The following DNAJC3 variants were observed in gnomAD, a reference collection of about 807,000 sequenced individuals.
DNAJC3 encodes the protein dnaJ homolog subfamily C member 3.
In DNAJC3, 38 loss-of-function variants were observed where a neutral mutation model predicts 68.6. The ratio of observed to expected loss-of-function variants is 0.55; its 90% CI spans 0.43 to 0.73. The LOEUF is 0.73. Among genes scored for constraint, DNAJC3 ranks in the 30% least tolerant of loss-of-function variants. The pLI, the probability that DNAJC3 is intolerant of heterozygous loss-of-function variation, is 0.00. For missense variants in DNAJC3, 526 were observed against 591.9 expected (o/e 0.89, Z 1.16); for synonymous variants, 203 against 204.0 (o/e 1.00, Z 0.04).
chr13:95,773,158 T>TG (rs1331082909), intron 9 of DNAJC3, among the ~76,000 whole-genome samples: 3 of 150,716 alleles, frequency 2.0e-5, no homozygotes, highest in Non-Finnish European at 3.0e-5. Context: ...TTTAGTTTTT[T>TG]TTTTTTTTTT....
At chr13:95,733,040 T>C (rs543678513) in intron 4 of DNAJC3, among the ~76,000 whole-genome samples, 1 of 152,348 alleles carries the variant, frequency 6.6e-6, no homozygotes, top group African/African-American at 2.4e-5. Context: ...TTGATACTTA[T>C]TTTATGGCCT....
intron 6 of DNAJC3, 53 bp downstream of exon 6, chr13:95,760,274 T>G (rs986508096): frequency 7.2e-7 from 1 of 1,385,798 alleles, no homozygotes; most frequent in Non-Finnish European, 9.5e-7. Flanking sequence ...GGCAGTAAGA[T>G]TACCTCATCT....
rs1246895506 is a variant in DNAJC3, at chr13:95,725,193, G to A, written c.334G>A (p.Gly112Ser). The change falls in exon 4 of 12, where the codon GGT becomes AGT. Residue 112 changes from glycine (G) to serine (S), a missense_variant. Gly to Ser is a moderately conservative substitution (Grantham distance 56). Transcript: ENST00000602402. ...MDFTAARLQR[G>S]HLLLKQGKLD... ...TTTTTTCTAGGCAAGATTACAGAGA[G>A]GTCACTTATTACTCAAACAAGGAAA... 1 of 1,587,940 alleles carries A rather than the reference G, an allele frequency of 6.3e-7. No homozygotes were observed. The highest frequency in any genetic ancestry group is 8.5e-7 in the Non-Finnish European group (1 of 1,169,764).
chr13:95,766,874 G>T (rs1653995247), intron 9 of DNAJC3, among the ~76,000 whole-genome samples: 1 of 151,848 alleles, frequency 6.6e-6, no homozygotes, highest in African/African-American at 2.4e-5. Context: ...GCTAATTTTT[G>T]TGTTTTTAAT....
chr13:95,738,201 T>A (rs1238390677), intron 4 of DNAJC3, among the ~76,000 whole-genome samples: 4 of 149,628 alleles, frequency 2.7e-5, no homozygotes, highest in African/African-American at 9.8e-5. Flanking sequence ...TTTGTTATAA[T>A]TTCTGTTCTT....
intron 1 of DNAJC3, chr13:95,695,470 T>C (rs896898799): frequency 2.0e-5 from 3 of 152,256 alleles, no homozygotes; most frequent in African/African-American, 4.8e-5. Context: ...TATTCTATTC[T>C]AGCAGTTATT....
At chr13:95,787,673 T>G (rs556238809) in intron 11 of DNAJC3, among the ~76,000 whole-genome samples, 4 of 152,146 alleles carry the variant, frequency 2.6e-5, no homozygotes, top group Middle Eastern at 3.4e-3. Context: ...ATATGTGTTT[T>G]TTTTTTTTTT....
At chr13:95,760,940 C>T in intron 7 of DNAJC3, 142 bp downstream of exon 7, 1 of 1,153,678 alleles carries the variant, frequency 8.7e-7, no homozygotes, top group Non-Finnish European at 1.2e-6. Flanking sequence ...GCAAAACTAC[C>T]AGAATTGGAC....
intron 3 of DNAJC3, among the ~76,000 whole-genome samples, chr13:95,724,660 G>A (rs190695576): frequency 1.3e-5 from 2 of 152,122 alleles, no homozygotes; most frequent in South Asian, 2.1e-4. Flanking sequence ...ACCTATTAGC[G>A]GTCACTCCCC....
At position 95,725,181 on chromosome 13, in the gene DNAJC3, A is replaced by C. The variant is rs1276010211; in HGVS notation, c.322A>C (p.Arg108=). ...IQLKMDFTAA[R]LQRGHLLLKQ... ...CCTCTGCCCCCTTTTTTTCTAGGCA[A>C]GATTACAGAGAGGTCACTTATTACT... Residue 108 remains arginine, a synonymous_variant, in exon 4 of 12, where the codon AGA becomes CGA. Transcript: ENST00000602402. The C allele has an allele frequency of 6.4e-7, 1 of 1,563,620 alleles. No homozygotes were observed. The highest frequency in any genetic ancestry group is 8.6e-7 in the Non-Finnish European group (1 of 1,160,862).
chr13:95,704,851 G>GTTTTTTTTTTTTTTTTTTTGTTT, intron 1 of DNAJC3, among the ~76,000 whole-genome samples: 1 of 97,860 alleles, frequency 1.0e-5, no homozygotes, highest in Admixed American at 1.0e-4. Context: ...GTGTGTGTGT[G>GTTTTTTTTTTTTTTTTTTTGTTT]TTTTTTTTTT....
chr13:95,711,135 C>G (rs1457759559), intron 2 of DNAJC3, among the ~76,000 whole-genome samples: 1 of 152,024 alleles, frequency 6.6e-6, no homozygotes, highest in South Asian at 2.1e-4. Context: ...TTTTATTATT[C>G]AGATTTTTAT....
At chr13:95,689,636 A>T (rs1880174429) in intron 1 of DNAJC3, among the ~76,000 whole-genome samples, 1 of 147,698 alleles carries the variant, frequency 6.8e-6, no homozygotes. Context: ...TCTCCCAGCT[A>T]GTTTTGGGTT....
intron 1 of DNAJC3, chr13:95,694,625 TG>T (rs1357403994): frequency 6.6e-6 from 1 of 152,658 alleles, no homozygotes; most frequent in African/African-American, 2.4e-5. Context: ...ATTCATTTAT[TG>T]ATCTCCCCAC....
chr13:95,766,986 C>T (rs1350141101), intron 9 of DNAJC3, among the ~76,000 whole-genome samples: 3 of 152,170 alleles, frequency 2.0e-5, no homozygotes, highest in Non-Finnish European at 4.4e-5. Flanking sequence ...AGGCATGAGC[C>T]ACCACGCCTG....
chr13:95,764,661 T>TATATAC (rs1882925652), intron 9 of DNAJC3, among the ~76,000 whole-genome samples: 1 of 119,950 alleles, frequency 8.3e-6, no homozygotes, highest in South Asian at 2.5e-4. Context: ...TATATATATA[T>TATATAC]ATATATATAT....
At chr13:95,781,264 G>A (rs188762261) in intron 9 of DNAJC3, among the ~76,000 whole-genome samples, 95 of 152,166 alleles carry the variant, frequency 6.2e-4, no homozygotes, top group African/African-American at 1.9e-3. Flanking sequence ...GCAGCCAGTG[G>A]CTCCATATAC....
rs1322862432 is a variant in DNAJC3 at position 95,750,197 on chromosome 13, C to T, written c.394-7447C>T. 2.6e-5 allele frequency among the ~76,000 whole-genome samples: 4 copies of T among 151,020 alleles called. No individual in the cohort carries two copies. In the East Asian group the frequency reaches 7.8e-4, roughly 30 times the overall value. ...TCCCGTCTTCGACCCATTGCTACCC[C>T]TCTCCCATCAATCTCTTCAATAAAT... On this transcript the variant is annotated intron_variant, in intron 4 of 11. Coordinates refer to ENST00000602402, the MANE Select transcript of DNAJC3 (RefSeq NM_006260.5).
chr13:95,699,947 A>G (rs1880542191), intron 1 of DNAJC3, among the ~76,000 whole-genome samples: 1 of 152,092 alleles, frequency 6.6e-6, no homozygotes, highest in Admixed American at 6.6e-5. Flanking sequence ...CCTCCTGAGT[A>G]GTTGGGACTA....
Sources: allele counts gnomAD v4.1 joint callset (sites outside exome capture counted in the v4.1 genomes callset), GRCh38; gene constraint gnomAD v4.1.1; transcripts MANE v1.5; gene names NCBI Gene and HGNC (gene_info 2026-07-23, HGNC 2026-07-21).